The following CTNNA3 variants were observed in gnomAD, a reference collection of about 807,000 sequenced individuals.
CTNNA3 encodes catenin alpha-3.
In CTNNA3, 76 loss-of-function variants were observed where a neutral mutation model predicts 95.7. The ratio of observed to expected loss-of-function variants is 0.79; its 90% CI spans 0.66 to 0.96. CTNNA3 has a LOEUF of 0.96. CTNNA3 is among the 40% of genes least tolerant of loss of function. The probability of loss-of-function intolerance (pLI) is 0.00; values close to 1 mark genes in which losing one functional copy is unlikely to be tolerated. For synonymous variants in CTNNA3, 431 were observed against 374.4 expected (o/e 1.15, Z -1.74); for missense variants, 1,191 against 1,089.8 (o/e 1.09, Z -1.31).
At chr10:66,754,875 G>A (rs1169778976) in intron 9 of CTNNA3, among the ~76,000 whole-genome samples, 1 of 152,048 alleles carries the variant, frequency 6.6e-6, no homozygotes, top group African/African-American at 2.4e-5. Flanking sequence ...GTAGAGCCTG[G>A]CACCACTGAA....
At chr10:66,654,457 T>C (rs1211431060) in intron 9 of CTNNA3, among the ~76,000 whole-genome samples, 1 of 151,994 alleles carries the variant, frequency 6.6e-6, no homozygotes, top group African/African-American at 2.4e-5. Context: ...CAAAGATAAG[T>C]ATTGGAGAGG....
intron 3 of CTNNA3, among the ~76,000 whole-genome samples, chr10:67,577,013 T>C (rs1390868696): frequency 4.0e-5 from 6 of 149,452 alleles, no homozygotes; most frequent in African/African-American, 5.0e-5. Flanking sequence ...ACAATAAACA[T>C]ACGTGTGCAT....
chr10:66,756,072 G>A (rs1365650359), intron 9 of CTNNA3, among the ~76,000 whole-genome samples: 2 of 152,118 alleles, frequency 1.3e-5, no homozygotes, highest in African/African-American at 4.8e-5. Flanking sequence ...CCTTTTGCAA[G>A]CATAATGCAA....
At chr10:67,266,618 A>C (rs760646726) in intron 5 of CTNNA3, among the ~76,000 whole-genome samples, 2 of 152,190 alleles carry the variant, frequency 1.3e-5, no homozygotes, top group Non-Finnish European at 2.9e-5. Flanking sequence ...GCTGACCCAC[A>C]GTGAGTAACT....
At chr10:66,368,734 A>G (rs577749938) in intron 12 of CTNNA3, among the ~76,000 whole-genome samples, 2 of 152,264 alleles carry the variant, frequency 1.3e-5, no homozygotes, top group East Asian at 3.9e-4. Flanking sequence ...AACATAGGGG[A>G]GATGGCAAGA....
intron 16 of CTNNA3, among the ~76,000 whole-genome samples, chr10:65,972,263 T>C (rs1057220519): frequency 6.6e-6 from 1 of 152,002 alleles, no homozygotes; most frequent in African/African-American, 2.4e-5. Flanking sequence ...CTGAAACCAA[T>C]CTCCTTGAAA....
chr10:65,989,543 A>AT (rs2078496131), intron 15 of CTNNA3, among the ~76,000 whole-genome samples: 1 of 151,904 alleles, frequency 6.6e-6, no homozygotes, highest in South Asian at 2.1e-4. Context: ...AGTATTTCAC[A>AT]TTTTTTCTGT....
At chr10:66,199,746 C>T (rs1467137633) in intron 13 of CTNNA3, among the ~76,000 whole-genome samples, 9 of 117,046 alleles carry the variant, frequency 7.7e-5, no homozygotes, top group South Asian at 5.2e-4. Flanking sequence ...GGATTACAGG[C>T]GTGTGCCACC....
intron 12 of CTNNA3, among the ~76,000 whole-genome samples, chr10:66,314,069 G>T (rs2092063625): frequency 6.6e-6 from 1 of 152,086 alleles, no homozygotes; most frequent in Non-Finnish European, 1.5e-5. Context: ...ACATACATAG[G>T]ATTACCAGTG....
At chr10:67,238,084 A>T (rs991708159) in intron 5 of CTNNA3, among the ~76,000 whole-genome samples, 1 of 152,176 alleles carries the variant, frequency 6.6e-6, no homozygotes, top group Admixed American at 6.6e-5. Flanking sequence ...CCACAATGAG[A>T]ATACAGAGAG....
At chr10:67,700,098 C>A (rs953365023), upstream of CTNNA3, among the ~76,000 whole-genome samples, 10 of 152,224 alleles carry the variant, frequency 6.6e-5, no homozygotes, top group Admixed American at 1.3e-4. Flanking sequence ...CCCAGGCTTG[C>A]TTAGGTAAAC....
intron 13 of CTNNA3, among the ~76,000 whole-genome samples, chr10:66,138,908 A>AT (rs1371040218): frequency 1.3e-5 from 2 of 152,214 alleles, no homozygotes; most frequent in Non-Finnish European, 2.9e-5. Flanking sequence ...ATGATCAAAC[A>AT]TCTGGACCTT....
intron 11 of CTNNA3, among the ~76,000 whole-genome samples, chr10:66,438,420 C>T (rs2093352856): frequency 6.6e-6 from 1 of 152,308 alleles, no homozygotes; most frequent in East Asian, 1.9e-4. Flanking sequence ...TCTAGAGAGG[C>T]AGTCTGGCTA....
chr10:66,329,994 C>G (rs1228662196), intron 12 of CTNNA3, among the ~76,000 whole-genome samples: 1 of 151,874 alleles, frequency 6.6e-6, no homozygotes, highest in Non-Finnish European at 1.5e-5. Flanking sequence ...GACATGATTC[C>G]AAGCTCAAAA....
intron 5 of CTNNA3, among the ~76,000 whole-genome samples, chr10:67,477,906 G>C (rs1310824971): frequency 6.6e-6 from 1 of 152,180 alleles, no homozygotes. Flanking sequence ...CAATGAGATG[G>C]AAGACAAAGT....
At position 66,977,274 on chromosome 10, in the gene CTNNA3, T is replaced by C. The variant is rs376288096; in HGVS notation, c.1048-201750A>G. The stretch of plus-strand genomic sequence containing the variant: ...CAACATGGTGAAACCCCGTCTCTAC[T>C]AAAAACAAAAAATTAGCTGGGTGTG... On this transcript the variant is annotated intron_variant, in intron 7 of 17. Transcript: ENST00000433211. Among the ~76,000 whole-genome samples, 5 of 151,890 alleles carry C rather than the reference T, an allele frequency of 3.3e-5. No individual in the cohort carries two copies. The East Asian group carries it at 7.7e-4, about 23-fold the overall frequency.
At chr10:66,459,226 T>C (rs1421017646) in intron 11 of CTNNA3, among the ~76,000 whole-genome samples, 2 of 152,204 alleles carry the variant, frequency 1.3e-5, no homozygotes, top group African/African-American at 4.8e-5. Context: ...TAGCTTTCTT[T>C]AAGAACACAG....
At chr10:66,707,717 C>G (rs1488117793) in intron 9 of CTNNA3, among the ~76,000 whole-genome samples, 1 of 152,020 alleles carries the variant, frequency 6.6e-6, no homozygotes, top group Non-Finnish European at 1.5e-5. Flanking sequence ...TAATAAGTGA[C>G]AAGGTGGTAG....
intron 9 of CTNNA3, among the ~76,000 whole-genome samples, chr10:66,697,093 T>C (rs115779867): frequency 0.014 from 2,116 of 152,044 alleles, 63 homozygotes; most frequent in African/African-American, 0.044. Context: ...AAAATATACC[T>C]GGAGAATCTC....
Sources: gnomAD v4.1 joint callset for allele counts (sites outside exome capture counted in the v4.1 genomes callset) on GRCh38, gnomAD v4.1.1 for gene constraint, MANE v1.5 for transcripts, NCBI Gene and HGNC (gene_info 2026-07-23, HGNC 2026-07-21) for gene names.